DNAJC5: variants seen among roughly 807,000 people sequenced by gnomAD.
The protein encoded by DNAJC5 is dnaJ homolog subfamily C member 5.
In DNAJC5, 1 loss-of-function variant was observed where a neutral mutation model predicts 23.2. That is an observed-to-expected ratio of 0.04 (90% confidence interval 0.02 to 0.20). DNAJC5 has a LOEUF of 0.20. Among genes scored for constraint, DNAJC5 ranks in the 10% least tolerant of loss-of-function variants. The probability of loss-of-function intolerance (pLI) is 1.00; values close to 1 mark genes in which losing one functional copy is unlikely to be tolerated. For synonymous variants in DNAJC5, 136 were observed against 120.0 expected, an observed-to-expected ratio of 1.13 and a Z score of -0.87; for missense variants, 180 against 267.0, an observed-to-expected ratio of 0.67 and a Z score of 2.27.
In DNAJC5 at chr20:63,922,911, C is replaced by T. The variant is rs1488823818; in HGVS notation, c.-11-5424C>T. ...TCCCCAGCACTTTGGGAGGCTGAGG[C>T]GGGTGGCTCACCTGAGGTCAGGAGT... On this transcript the variant is annotated intron_variant, in intron 1 of 4. Transcript: ENST00000360864. 2.6e-5 allele frequency among the ~76,000 whole-genome samples: 4 copies of T among 152,220 alleles called. No individual in the cohort carries two copies. In the South Asian group the frequency reaches 6.2e-4, roughly 24 times the overall value.
At position 63,931,232 on chromosome 20, in the gene DNAJC5, G is replaced by T; in HGVS notation, c.493+210G>T. The T allele has an allele frequency of 1.3e-6, 1 of 790,394 alleles. No individual in the cohort carries two copies. 49.0% of individuals were successfully genotyped at this position (790,394 alleles called of 1,614,324 possible). On this transcript the variant is annotated intron_variant, in intron 4 of 4. Coordinates refer to ENST00000360864, the MANE Select transcript of DNAJC5 (RefSeq NM_025219.3). The surrounding 1 kb of genome is among the most constrained non-coding windows in gnomAD (Gnocchi z 9.6). ...CCCGCCGTGACCTGCGGTAGCCGTA[G>T]ATCCCAGGGACTGCGAGGCGGGGCA...
At chr20:63,922,643 G>A (rs962003045) in intron 1 of DNAJC5, among the ~76,000 whole-genome samples, 5 of 151,834 alleles carry the variant, frequency 3.3e-5, no homozygotes, top group African/African-American at 4.8e-5. Context: ...GGTGGCTCAC[G>A]CCTGTAGTCC....
At chr20:63,901,436 A>G (rs1236811833) in intron 1 of DNAJC5, among the ~76,000 whole-genome samples, 3 of 152,194 alleles carry the variant, frequency 2.0e-5, no homozygotes, top group South Asian at 2.1e-4. Context: ...TTCACCAGGT[A>G]GGGTGGAAAT....
In DNAJC5 at chr20:63,934,372, C is replaced by G. The variant is rs568420557; in HGVS notation, c.*2804C>G. 1 of 152,314 alleles carries G rather than the reference C, an allele frequency of 6.6e-6. No individual in the cohort carries two copies. The highest frequency in any genetic ancestry group is 1.5e-5 in the Non-Finnish European group (1 of 68,098). The allele number at this position is 152,314 out of a possible 1,614,324, so 9.4% of individuals were successfully genotyped here. A position where few individuals can be genotyped will look rare whatever the true frequency, so the allele number is the denominator to read the frequency against. The stretch of plus-strand genomic sequence containing the variant: ...TGACGGGACCCCGACTCCTCACTCT[C>G]GGGCCGCAGACAATGCTGTGAGCAA... On this transcript the variant is annotated 3_prime_UTR_variant, in exon 5 of 5. Transcript: ENST00000360864.
At chr20:63,896,029 A>G (rs1370537700) in intron 1 of DNAJC5, among the ~76,000 whole-genome samples, 2 of 152,342 alleles carry the variant, frequency 1.3e-5, no homozygotes, top group South Asian at 2.1e-4. Context: ...CAGTTGTGTC[A>G]TACAGGAAAA....
chr20:63,931,354 C>G lies in DNAJC5; in HGVS notation c.494-111C>G. 9.3e-7 allele frequency: 1 copy of G among 1,075,822 alleles called. No homozygotes were observed. The highest frequency in any genetic ancestry group is 1.4e-6 in the Non-Finnish European group (1 of 729,298). The allele number at this position is 1,075,822 out of a possible 1,614,324, so 66.6% of individuals were successfully genotyped here. ...TGTGGGGTGGAGGTCAGCGAGTAGC[C>G]TCTCCCGGTGGAGAGTTTGTCCAGG... On this transcript the variant is annotated intron_variant, in intron 4 of 4. Transcript: ENST00000360864. This position sits in a 1 kb window ranked among gnomAD's most constrained non-coding sequence, Gnocchi z 9.6.
At chr20:63,909,819 G>C (rs956098751) in intron 1 of DNAJC5, among the ~76,000 whole-genome samples, 8 of 152,318 alleles carry the variant, frequency 5.3e-5, no homozygotes, top group East Asian at 3.9e-4. Context: ...GAGAGCCTGC[G>C]GGGGGCAGCA....
intron 1 of DNAJC5, among the ~76,000 whole-genome samples, chr20:63,915,316 T>C (rs1438988465): frequency 6.6e-6 from 1 of 151,398 alleles, no homozygotes; most frequent in African/African-American, 2.4e-5. Flanking sequence ...ACCTCAAAGG[T>C]GACTTGGAGG....
chr20:63,916,939 TC>T (rs1368598775), intron 1 of DNAJC5, among the ~76,000 whole-genome samples: 5 of 152,228 alleles, frequency 3.3e-5, no homozygotes, highest in Non-Finnish European at 2.9e-5. Context: ...CTTCCCTTGT[TC>T]CCTGAAAATC....
At chr20:63,924,670 G>A (rs2053597677) in intron 1 of DNAJC5, among the ~76,000 whole-genome samples, 1 of 152,224 alleles carries the variant, frequency 6.6e-6, no homozygotes, top group African/African-American at 2.4e-5. Context: ...TGGACAACAT[G>A]GCAAAACCCT....
At chr20:63,903,252 A>C (rs1360771411) in intron 1 of DNAJC5, among the ~76,000 whole-genome samples, 1 of 151,986 alleles carries the variant, frequency 6.6e-6, no homozygotes, top group Admixed American at 6.6e-5. Flanking sequence ...GTCTCAGTAG[A>C]TTAGAATCAC....
chr20:63,922,849 C>G (rs2053583469), intron 1 of DNAJC5, among the ~76,000 whole-genome samples: 1 of 152,142 alleles, frequency 6.6e-6, no homozygotes. Flanking sequence ...TTCTAAAAAT[C>G]TAGGTTTTAG....
chr20:63,911,736 C>T (rs752911587), intron 1 of DNAJC5, among the ~76,000 whole-genome samples: 5 of 151,586 alleles, frequency 3.3e-5, no homozygotes, highest in African/African-American at 9.7e-5. Flanking sequence ...TGCGGTGGCG[C>T]GATCTCGGCT....
Position 63,928,708 on chromosome 20 carries a change from T to C in DNAJC5, c.107+256T>C, listed in dbSNP as rs1056863037. Among the ~76,000 whole-genome samples the C allele has an allele frequency of 2.0e-5, 3 of 151,880 alleles. No individual in the cohort carries two copies. The highest frequency in any genetic ancestry group is 7.3e-5 in the African/African-American group (3 of 41,340). On this transcript the variant is annotated intron_variant, in intron 2 of 4. Coordinates refer to ENST00000360864, the MANE Select transcript of DNAJC5 (RefSeq NM_025219.3). The surrounding 1 kb of genome is among the most constrained non-coding windows in gnomAD (Gnocchi z 4.6). Reference sequence around the variant, plus strand: ...ACACTGTCCACAGTTCCATAGGGAGTCAGGGTCTGAACCTGTTTGAGGCCT... The same window carrying C: ...ACACTGTCCACAGTTCCATAGGGAGCCAGGGTCTGAACCTGTTTGAGGCCT...
Position 63,934,927 on chromosome 20 carries a change from T to A in DNAJC5, c.*3359T>A, listed in dbSNP as rs1600892961. ...GAGGGTCCGGGTGCTGCGGGCAGAG[T>A]TCAGCGCTTGTCCACCCTCCCTTAG... On this transcript the variant is annotated 3_prime_UTR_variant, in exon 5 of 5. Coordinates refer to ENST00000360864, the MANE Select transcript of DNAJC5 (RefSeq NM_025219.3). 1 of 152,170 alleles carries A rather than the reference T, an allele frequency of 6.6e-6. No homozygotes were observed. The highest frequency in any genetic ancestry group is 1.5e-5 in the Non-Finnish European group (1 of 68,078). The allele number at this position is 152,170 out of a possible 1,614,324, so 9.4% of individuals were successfully genotyped here. A position where few individuals can be genotyped will look rare whatever the true frequency, so the allele number is the denominator to read the frequency against.
Position 63,928,593 on chromosome 20 carries a change from C to G in DNAJC5, c.107+141C>G. On this transcript the variant is annotated intron_variant, in intron 2 of 4. Transcript: ENST00000360864. The surrounding 1 kb of genome is among the most constrained non-coding windows in gnomAD (Gnocchi z 4.6). ...TTGAACTGGTCACAGCTCGGTAACACCTTTGTATGTGTAATGTGCTCCTTA... is the reference window on the plus strand; with the variant it reads ...TTGAACTGGTCACAGCTCGGTAACAGCTTTGTATGTGTAATGTGCTCCTTA... The G allele has an allele frequency of 1.4e-6, 1 of 723,474 alleles. No individual in the cohort carries two copies. Among genetic ancestry groups the G allele is most frequent in the Non-Finnish European group, 2.5e-6 (1 of 399,376 alleles). 44.8% of individuals were successfully genotyped at this position (723,474 alleles called of 1,614,324 possible).
chr20:63,911,181 A>G (rs993458423), intron 1 of DNAJC5, among the ~76,000 whole-genome samples: 1 of 152,192 alleles, frequency 6.6e-6, no homozygotes, highest in African/African-American at 2.4e-5. Context: ...GAGTCTGTGA[A>G]TTAAAAGGGC....
chr20:63,904,077 A>G (rs907081881), intron 1 of DNAJC5, among the ~76,000 whole-genome samples: 5 of 152,108 alleles, frequency 3.3e-5, no homozygotes, highest in African/African-American at 1.2e-4. Flanking sequence ...CCAAATAGCA[A>G]AACACTCTGA....
intron 1 of DNAJC5, among the ~76,000 whole-genome samples, chr20:63,909,391 T>TACTC (rs2053467851): frequency 6.6e-6 from 1 of 151,342 alleles, no homozygotes; most frequent in African/African-American, 2.4e-5. Flanking sequence ...TAGTCCCAGC[T>TACTC]ACTCGGGAGG....
Sources: gnomAD v4.1 joint callset for allele counts (sites outside exome capture counted in the v4.1 genomes callset) on GRCh38, gnomAD v4.1.1 for gene constraint, Gnocchi (gnomAD v3.1) non-coding constraint, MANE v1.5 for transcripts, NCBI Gene and HGNC (gene_info 2026-07-23, HGNC 2026-07-21) for gene names.